PCLO: variants seen among roughly 807,000 people sequenced by gnomAD.
The protein encoded by PCLO is piccolo presynaptic cytomatrix protein, also known as protein piccolo.
A neutral mutation model predicts 427.5 loss-of-function variants in PCLO; 82 were observed. The observed-to-expected ratio is 0.19, with a 90% CI of 0.16 to 0.23. The LOEUF is 0.23. Among genes scored for constraint, PCLO ranks in the 10% least tolerant of loss-of-function variants. PCLO has a pLI of 1.00. For synonymous variants in PCLO, 2,357 were observed against 2,155.4 expected (o/e 1.09, Z -2.59); for missense variants, 6,239 against 6,115.9 (o/e 1.02, Z -0.67).
At chr7:82,992,018 CA>C (rs1209788348) in intron 3 of PCLO, among the ~76,000 whole-genome samples, 2 of 151,892 alleles carry the variant, frequency 1.3e-5, no homozygotes, top group Non-Finnish European at 2.9e-5. Flanking sequence ...TTGCCTATGT[CA>C]AAAAAACATA....
At chr7:82,885,951 G>A (rs933926673) in intron 9 of PCLO, among the ~76,000 whole-genome samples, 11 of 152,114 alleles carry the variant, frequency 7.2e-5, no homozygotes, top group African/African-American at 2.2e-4. Flanking sequence ...GTTTATGCCA[G>A]TTCACTGGGT....
intron 3 of PCLO, among the ~76,000 whole-genome samples, chr7:82,977,744 A>G (rs1351739327): frequency 6.6e-6 from 1 of 152,170 alleles, no homozygotes; most frequent in African/African-American, 2.4e-5. Context: ...AGTGTGGGGC[A>G]CAAAGAATAA....
chr7:83,155,632 C>T lies in PCLO; in HGVS notation c.1009G>A (p.Gly337Arg), dbSNP rs762448033. 4 of 1,613,666 alleles carry T rather than the reference C, an allele frequency of 2.5e-6. No individual in the cohort carries two copies. The Admixed American group carries it at 6.7e-5, about 27-fold the overall frequency. Residue 337 changes from glycine to arginine, a missense_variant, in exon 2 of 25, where the codon GGG becomes AGG. Gly to Arg is a moderately radical substitution (Grantham distance 125). Transcript: ENST00000333891. Reference protein sequence around the residue: ...GPAKPPAQPSGLTKPLAQQPG... With the variant: ...GPAKPPAQPSRLTKPLAQQPG... ...TGTTGAGCCAATGGCTTTGTTAGCC[C>T]TGAGGGCTGAGCTGGGGGCTTTGCA...
At chr7:82,983,332 T>C (rs73387637) in intron 3 of PCLO, among the ~76,000 whole-genome samples, 11,179 of 151,152 alleles carry the variant, frequency 0.074, 1,404 homozygotes, top group African/African-American at 0.26. Context: ...TATCTTTCTA[T>C]GACAATTAAC....
intron 7 of PCLO, among the ~76,000 whole-genome samples, chr7:82,912,367 T>C (rs1794343956): frequency 6.6e-6 from 1 of 151,764 alleles, no homozygotes; most frequent in African/African-American, 2.4e-5. Flanking sequence ...AGAAGAAAAA[T>C]AGTATGCTTA....
chr7:83,116,873 T>C (rs1008315173), intron 3 of PCLO, among the ~76,000 whole-genome samples: 49 of 152,274 alleles, frequency 3.2e-4, no homozygotes, highest in Admixed American at 2.9e-3. Context: ...AGGGAGGTAA[T>C]GTGGTATTTA....
chr7:82,853,752 C>T (rs1032859796), intron 10 of PCLO, among the ~76,000 whole-genome samples: 1 of 152,102 alleles, frequency 6.6e-6, no homozygotes, highest in Non-Finnish European at 1.5e-5. Context: ...ATTGTGTTCA[C>T]ATGTAGTTTG....
In PCLO at chr7:82,954,463, A is replaced by G; in HGVS notation, c.6490T>C (p.Leu2164=). Residue 2164 remains leucine, a synonymous_variant, in exon 5 of 25, where the codon TTG becomes CTG. Coordinates refer to ENST00000333891, the MANE Select transcript of PCLO (RefSeq NM_033026.6). ...QEIIAHESLI[L]TYSEPSESAT... is the part of the protein sequence containing the mutation. ...CTTTCTGAAGGCTCCGAGTAGGTCA[A>G]AATCAGCGATTCATGGGCAATTATC... 1 of 1,614,004 alleles carries G rather than the reference A, an allele frequency of 6.2e-7. No homozygotes were observed. Among genetic ancestry groups the G allele is most frequent in the Non-Finnish European group, 8.5e-7 (1 of 1,179,872 alleles).
chr7:82,921,142 C>A (rs1794585978), intron 6 of PCLO, among the ~76,000 whole-genome samples: 1 of 151,682 alleles, frequency 6.6e-6, no homozygotes, highest in African/African-American at 2.4e-5. Flanking sequence ...ACTACCTCAC[C>A]ATACTGCCCA....
At chr7:83,076,892 G>A (rs142481417) in intron 3 of PCLO, among the ~76,000 whole-genome samples, 158 of 151,588 alleles carry the variant, frequency 1.0e-3, no homozygotes, top group African/African-American at 3.7e-3. Flanking sequence ...GTATACATGT[G>A]GAATAGTAAA....
chr7:82,975,031 C>A (rs1049499881), intron 3 of PCLO, among the ~76,000 whole-genome samples: 5 of 152,108 alleles, frequency 3.3e-5, no homozygotes, highest in African/African-American at 1.2e-4. Flanking sequence ...CCCACCTCAG[C>A]CTCCCAAAGT....
rs1462588657 is a variant in PCLO, at chr7:82,951,292, G to C, written c.9296C>G (p.Ser3099Cys). ...VYSSVATPTP[S>C]TFAITTQPGS... is the part of the protein sequence containing the mutation. ...AGGTTGTGTGGTGATAGCAAATGTA[G>C]AGGGTGTTGGAGTTGCTACTGAAGA... The change falls in exon 6 of 25, where the codon TCT becomes TGT. Residue 3099 changes from serine to cysteine, a missense_variant. Physicochemically the swap from Ser to Cys is moderately radical, Grantham distance 112. Coordinates refer to ENST00000333891, the MANE Select transcript of PCLO (RefSeq NM_033026.6). The C allele has an allele frequency of 1.2e-6, 2 of 1,613,140 alleles. No homozygotes were observed. The highest frequency in any genetic ancestry group is 1.7e-6 in the Non-Finnish European group (2 of 1,179,584).
At chr7:82,961,358 C>T (rs559104833) in intron 4 of PCLO, among the ~76,000 whole-genome samples, 4 of 152,076 alleles carry the variant, frequency 2.6e-5, no homozygotes, top group Non-Finnish European at 5.9e-5. Flanking sequence ...AAGGAGAAAG[C>T]ACAAGCTTTG....
At chr7:83,104,741 G>A (rs1790813384) in intron 3 of PCLO, among the ~76,000 whole-genome samples, 2 of 151,994 alleles carry the variant, frequency 1.3e-5, no homozygotes, top group South Asian at 4.1e-4. Flanking sequence ...CCTCCTTAAA[G>A]TTTCATTAAA....
intron 3 of PCLO, among the ~76,000 whole-genome samples, chr7:83,038,742 G>C (rs1788895665): frequency 1.3e-5 from 2 of 152,002 alleles, no homozygotes; most frequent in African/African-American, 4.8e-5. Flanking sequence ...CGGTATCTAT[G>C]TAGGAGTAAA....
intron 6 of PCLO, among the ~76,000 whole-genome samples, chr7:82,925,095 G>A (rs1162467945): frequency 1.3e-5 from 2 of 152,004 alleles, no homozygotes; most frequent in Non-Finnish European, 2.9e-5. Context: ...CTTTGCCTTG[G>A]TAAGAAGAGT....
chr7:82,956,045 T>C lies in PCLO; in HGVS notation c.4908A>G (p.Ala1636=), dbSNP rs1427229984. The C allele has an allele frequency of 1.9e-6, 3 of 1,612,888 alleles. No individual in the cohort carries two copies. The highest frequency in any genetic ancestry group is 4.5e-5 in the East Asian group (2 of 44,900). The change falls in exon 5 of 25, where the codon GCA becomes GCG. Residue 1636 remains alanine, a synonymous_variant. Transcript: ENST00000333891. The part of the protein sequence containing the change: ...RHSWHDEDDE[A]FDESPELKYR... ...ATTTAAGTTCAGGACTTTCATCAAATGCTTCATCGTCTTCATCATGCCATG... is the reference window on the plus strand; with the variant it reads ...ATTTAAGTTCAGGACTTTCATCAAACGCTTCATCGTCTTCATCATGCCATG...
chr7:82,827,954 C>A lies in PCLO; in HGVS notation c.14262G>T (p.Lys4754Asn). Reference sequence around the variant, plus strand: ...TTTTCTGGACATGTTTAGTCCTTCTCTTGTACTCAGCACTGAATTGGGAGA... The same window carrying A: ...TTTTCTGGACATGTTTAGTCCTTCTATTGTACTCAGCACTGAATTGGGAGA... ...MVVQNASAEYKRRTKHVQKSL... is the reference protein window; with the variant it reads ...MVVQNASAEYNRRTKHVQKSL... The change falls in exon 17 of 25, where the codon AAG (lysine) becomes AAT (asparagine). Residue 4754 changes from lysine to asparagine, a missense_variant. Physicochemically the swap from Lys to Asn is moderately conservative, Grantham distance 94. This residue lies in a region of PCLO where 877 missense variants were observed against 925.5 expected (regional missense o/e 0.95). Coordinates refer to ENST00000333891, the MANE Select transcript of PCLO (RefSeq NM_033026.6). 1 of 1,591,080 alleles carries A rather than the reference C, an allele frequency of 6.3e-7. No homozygotes were observed. Among genetic ancestry groups the A allele is most frequent in the Admixed American group, 1.7e-5 (1 of 59,510 alleles).
At chr7:82,832,738 A>G (rs2715155) in intron 16 of PCLO, among the ~76,000 whole-genome samples, 54,730 of 151,438 alleles carry the variant, frequency 0.36, 11,800 homozygotes, top group East Asian at 0.7. Context: ...TCATAAAATT[A>G]TCTAAAACAT....
Sources: gnomAD v4.1 joint callset for allele counts (sites outside exome capture counted in the v4.1 genomes callset) on GRCh38, gnomAD v4.1.1 for gene constraint, gnomAD v4.1.1 regional missense constraint, MANE v1.5 for transcripts, NCBI Gene and HGNC (gene_info 2026-07-23, HGNC 2026-07-21) for gene names.